The following CCNY variants were observed in gnomAD, a reference collection of about 807,000 sequenced individuals.
CCNY encodes the protein cyclin-Y.
Under a neutral mutation model 42.8 loss-of-function variants are expected in CCNY, and 19 were observed. The ratio of observed to expected loss-of-function variants is 0.44; its 90% confidence interval spans 0.31 to 0.65. The LOEUF (loss-of-function observed/expected upper bound fraction) is 0.65. CCNY is among the 30% of genes least tolerant of loss of function. The pLI, the probability that CCNY is intolerant of heterozygous loss-of-function variation, is 0.07. For synonymous variants in CCNY, 165 were observed against 162.7 expected, an observed-to-expected ratio of 1.01 and a Z score of -0.11; for missense variants, 370 against 437.3, an observed-to-expected ratio of 0.85 and a Z score of 1.37.
chr10:35,372,158 G>C (rs1836950784), intron 1 of CCNY, among the ~76,000 whole-genome samples: 1 of 152,164 alleles, frequency 6.6e-6, no homozygotes, highest in Admixed American at 6.5e-5. Context: ...TCAAAATAAT[G>C]AAAGGAGTCA....
At chr10:35,357,070 C>T (rs1003142333) in intron 1 of CCNY, among the ~76,000 whole-genome samples, 4 of 151,354 alleles carry the variant, frequency 2.6e-5, no homozygotes, top group African/African-American at 9.8e-5. Flanking sequence ...CATGCTCTTC[C>T]CAAAGCTCAT....
chr10:35,264,874 C>T (rs2095723627), intron 3 of CCNY, among the ~76,000 whole-genome samples: 1 of 152,168 alleles, frequency 6.6e-6, no homozygotes, highest in Admixed American at 6.6e-5. Flanking sequence ...GGTGATCCAC[C>T]CACCTTGGCT....
intron 1 of CCNY, among the ~76,000 whole-genome samples, chr10:35,370,215 G>A (rs2135172277): frequency 6.6e-6 from 1 of 151,168 alleles, no homozygotes; most frequent in East Asian, 1.9e-4. Flanking sequence ...GCCGTGGCAC[G>A]ATCTCGGCTC....
At chr10:35,344,304 C>G (rs940328529) in intron 1 of CCNY, among the ~76,000 whole-genome samples, 4 of 152,154 alleles carry the variant, frequency 2.6e-5, no homozygotes, top group African/African-American at 7.2e-5. Context: ...ATGGGAAGAC[C>G]CGCATTCCAG....
chr10:35,524,544 G>A lies in CCNY; in HGVS notation c.366-1420G>A, dbSNP rs997868677. Reference sequence around the variant, plus strand: ...TGTGGCTGAGTAAGCGGAAATGTTCGGGCCGAGTCGGTACCCTGAGAGGAT... The same window carrying A: ...TGTGGCTGAGTAAGCGGAAATGTTCAGGCCGAGTCGGTACCCTGAGAGGAT... On this transcript the variant is annotated intron_variant, in intron 4 of 9. Coordinates refer to ENST00000374704, the MANE Select transcript of CCNY (RefSeq NM_145012.6). 2.0e-5 allele frequency among the ~76,000 whole-genome samples: 3 copies of A among 152,176 alleles called. No individual in the cohort carries two copies. The East Asian group carries it at 5.8e-4, about 29-fold the overall frequency.
At chr10:35,345,606 T>C (rs1564376030) in intron 1 of CCNY, among the ~76,000 whole-genome samples, 1 of 152,202 alleles carries the variant, frequency 6.6e-6, no homozygotes, top group Non-Finnish European at 1.5e-5. Context: ...ATTGATTTTC[T>C]TGTATTATAT....
chr10:35,526,995 G>A (rs1162698551), intron 5 of CCNY, among the ~76,000 whole-genome samples: 2 of 152,068 alleles, frequency 1.3e-5, no homozygotes, highest in South Asian at 2.1e-4. Context: ...ACACGTTGTC[G>A]GTTTACAAAG....
chr10:35,516,923 A>G (rs77113193), intron 4 of CCNY, among the ~76,000 whole-genome samples: 9,116 of 152,186 alleles, frequency 0.06, 829 homozygotes, highest in African/African-American at 0.2. Flanking sequence ...TACTTAAAAT[A>G]TATTTTTTAT....
At chr10:35,492,281 A>G (rs1266337130) in intron 2 of CCNY, among the ~76,000 whole-genome samples, 1 of 152,078 alleles carries the variant, frequency 6.6e-6, no homozygotes, top group Non-Finnish European at 1.5e-5. Flanking sequence ...AGAGGCCATC[A>G]TCTGTGGCAT....
At chr10:35,407,002 G>A (rs1426937771) in intron 1 of CCNY, among the ~76,000 whole-genome samples, 1 of 152,220 alleles carries the variant, frequency 6.6e-6, no homozygotes, top group African/African-American at 2.4e-5. Flanking sequence ...TGGGTCTAGG[G>A]TGGTAAAGCG....
At chr10:35,532,922 T>A (rs545207210) in intron 7 of CCNY, among the ~76,000 whole-genome samples, 1 of 152,306 alleles carries the variant, frequency 6.6e-6, no homozygotes, top group Non-Finnish European at 1.5e-5. Context: ...CAGAAGGAGA[T>A]ATATTGGAAG....
rs192140694 is a variant in CCNY, at chr10:35,483,176, T to C, written c.155-228T>C. Among the ~76,000 whole-genome samples the C allele has an allele frequency of 5.0e-3, 767 of 152,344 alleles. 6 individuals are homozygous for C. Among genetic ancestry groups the C allele is most frequent in the Middle Eastern group, 0.01 (3 of 294 alleles). On this transcript the variant is annotated intron_variant, in intron 1 of 9. Coordinates refer to ENST00000374704, the MANE Select transcript of CCNY (RefSeq NM_145012.6). The stretch of plus-strand genomic sequence containing the variant: ...TTTCAGGAGAAAGTGGAGTTTTTCT[T>C]AGGCTAATAGATGTCTAGCCAACTG...
intron 8 of CCNY, among the ~76,000 whole-genome samples, chr10:35,557,412 TA>T (rs1298666510): frequency 6.6e-6 from 1 of 152,194 alleles, no homozygotes; most frequent in African/African-American, 2.4e-5. Flanking sequence ...TCTAATTTAT[TA>T]AAAACACTTT....
rs539275549 is a variant in CCNY, at chr10:35,428,214, G to A, written c.155-55190G>A. 2.6e-5 allele frequency among the ~76,000 whole-genome samples: 4 copies of A among 152,306 alleles called. No homozygotes were observed. In the South Asian group the frequency reaches 6.2e-4, roughly 24 times the overall value. ...ATGGGAGAGATGGGCATTCACAACC[G>A]AGATCAAGCCACCCCAATGAGTGGC... is the stretch of plus-strand genomic sequence containing the variant. On this transcript the variant is annotated intron_variant, in intron 1 of 9. Transcript: ENST00000374704.
At chr10:35,312,987 T>A (rs1239328928) in intron 3 of CCNY, among the ~76,000 whole-genome samples, 1 of 152,052 alleles carries the variant, frequency 6.6e-6, no homozygotes, top group Admixed American at 6.6e-5. Context: ...GCATTGTAGG[T>A]CATTAAAAGT....
At chr10:35,447,018 C>T (rs1483542436) in intron 1 of CCNY, among the ~76,000 whole-genome samples, 2 of 152,158 alleles carry the variant, frequency 1.3e-5, no homozygotes, top group Admixed American at 6.5e-5. Context: ...TGGCTCATGC[C>T]TGTAATCCCA....
chr10:35,517,599 G>A (rs1270987777), intron 4 of CCNY, among the ~76,000 whole-genome samples: 2 of 152,234 alleles, frequency 1.3e-5, no homozygotes, highest in Non-Finnish European at 2.9e-5. Flanking sequence ...TCTGTAGTCA[G>A]TGTCTGCTCT....
chr10:35,497,726 CAAA>C (rs34502756), intron 2 of CCNY, among the ~76,000 whole-genome samples: 187 of 73,610 alleles, frequency 2.5e-3, no homozygotes, highest in African/African-American at 8.3e-3. Context: ...GACTCCGTCT[CAAA>C]AAAAAAAAAA....
chr10:35,566,728 A>T (rs1458086679), intron 9 of CCNY, among the ~76,000 whole-genome samples: 1 of 152,004 alleles, frequency 6.6e-6, no homozygotes, highest in Non-Finnish European at 1.5e-5. Flanking sequence ...TTTTTTTGAG[A>T]TGGAGTCTTG....
Sources: allele counts gnomAD v4.1 joint callset (sites outside exome capture counted in the v4.1 genomes callset), GRCh38; gene constraint gnomAD v4.1.1; transcripts MANE v1.5; gene names NCBI Gene and HGNC (gene_info 2026-07-23, HGNC 2026-07-21).